The following DDAH1 variants were observed in gnomAD, a reference collection of about 807,000 sequenced individuals.
DDAH1 encodes dimethylarginine dimethylaminohydrolase 1.
A neutral mutation model predicts 28.8 loss-of-function variants in DDAH1; 19 were observed. That is an observed-to-expected ratio of 0.66 (90% CI 0.46 to 0.97). The LOEUF is 0.97. DDAH1 is among the 50% of genes least tolerant of loss of function. DDAH1 has a pLI of 0.00. For synonymous variants in DDAH1, 153 were observed against 154.4 expected (o/e 0.99, Z 0.07); for missense variants, 326 against 375.9 (o/e 0.87, Z 1.10).
intron 1 of DDAH1, among the ~76,000 whole-genome samples, chr1:85,520,972 A>G (rs1657662638): frequency 6.6e-6 from 1 of 152,180 alleles, no homozygotes; most frequent in Non-Finnish European, 1.5e-5. Context: ...AAAATGGGAA[A>G]TGCTGATGGA....
At chr1:85,572,599 T>C (rs1451107984) in intron 1 of DDAH1, among the ~76,000 whole-genome samples, 2 of 152,196 alleles carry the variant, frequency 1.3e-5, no homozygotes, top group Non-Finnish European at 2.9e-5. Flanking sequence ...ATTTAGCCAA[T>C]GGGAGGCAAA....
intron 2 of DDAH1, chr1:85,494,553 T>A (rs770172624): frequency 1.3e-5 from 2 of 152,204 alleles, no homozygotes; most frequent in Non-Finnish European, 2.9e-5. Context: ...AGCTGTCACA[T>A]CCTGCTGCCC....
chr1:85,479,155 T>TTTTC (rs1354478263), intron 2 of DDAH1, among the ~76,000 whole-genome samples: 10 of 140,058 alleles, frequency 7.1e-5, no homozygotes, highest in East Asian at 4.1e-4. Flanking sequence ...TCCCTTCTGT[T>TTTTC]TTTCTTTTTT....
chr1:85,469,985 T>C (rs1655562031), upstream of DDAH1, among the ~76,000 whole-genome samples: 1 of 152,236 alleles, frequency 6.6e-6, no homozygotes. Context: ...TTTCCATTGA[T>C]AATATTGCTG....
chr1:85,382,308 GC>G (rs754746125), intron 1 of DDAH1, among the ~76,000 whole-genome samples: 3 of 152,176 alleles, frequency 2.0e-5, no homozygotes. Flanking sequence ...ATTCTCTTAA[GC>G]CAAAGCCTAA....
At chr1:85,470,030 C>A (rs999915551), upstream of DDAH1, among the ~76,000 whole-genome samples, 1 of 152,092 alleles carries the variant, frequency 6.6e-6, no homozygotes, top group South Asian at 2.1e-4. Flanking sequence ...TTTTAGATAG[C>A]AAGTATCTGA....
chr1:85,578,066 G>C (rs2100580598), exon 1 of DDAH1: 3 of 957,526 alleles, frequency 3.1e-6, no homozygotes, highest in Non-Finnish European at 3.7e-6. Flanking sequence ...AGAAGGCGAC[G>C]GGAGGCTGGG....
intron 1 of DDAH1, among the ~76,000 whole-genome samples, chr1:85,434,423 T>G (rs1299148806): frequency 2.9e-5 from 3 of 104,798 alleles, no homozygotes; most frequent in African/African-American, 7.1e-5. Flanking sequence ...GTGTGTTTTG[T>G]TTTTTTTTTG....
intron 1 of DDAH1, among the ~76,000 whole-genome samples, chr1:85,517,119 A>G (rs1363596230): frequency 6.6e-6 from 1 of 152,188 alleles, no homozygotes; most frequent in African/African-American, 2.4e-5. Flanking sequence ...AATAAGTGAA[A>G]GCATTCTGAA....
chr1:85,500,965 A>C (rs1173019347), intron 1 of DDAH1, among the ~76,000 whole-genome samples: 1 of 151,734 alleles, frequency 6.6e-6, no homozygotes, highest in African/African-American at 2.4e-5. Flanking sequence ...ATTTCTATTT[A>C]CTGGAGTCCA....
At chr1:85,458,256 G>A (rs1390711757) in intron 1 of DDAH1, among the ~76,000 whole-genome samples, 1 of 152,034 alleles carries the variant, frequency 6.6e-6, no homozygotes, top group Non-Finnish European at 1.5e-5. Context: ...TCTTGTCATA[G>A]TTGCTTGGAT....
intron 1 of DDAH1, among the ~76,000 whole-genome samples, chr1:85,548,700 G>T (rs1019172176): frequency 2.0e-5 from 3 of 152,128 alleles, no homozygotes; most frequent in African/African-American, 4.8e-5. Context: ...ATTTAGATTT[G>T]CATTTCCCAA....
intron 4 of DDAH1, among the ~76,000 whole-genome samples, chr1:85,338,319 AAGAC>A (rs1648262930): frequency 2.6e-5 from 4 of 152,238 alleles, no homozygotes; most frequent in Admixed American, 2.6e-4. Context: ...TCTTTCTAAA[AAGAC>A]AGCATTTTAG....
chr1:85,325,727 T>C (rs1647352754), intron 4 of DDAH1, among the ~76,000 whole-genome samples: 1 of 152,118 alleles, frequency 6.6e-6, no homozygotes, highest in Admixed American at 6.6e-5. Context: ...TTTAAAATAT[T>C]GATACCTCAT....
At chr1:85,566,926 G>A (rs2100558816) in intron 1 of DDAH1, among the ~76,000 whole-genome samples, 1 of 152,318 alleles carries the variant, frequency 6.6e-6, no homozygotes, top group African/African-American at 2.4e-5. Flanking sequence ...TGATGGTGTA[G>A]TTCCAGCCTG....
At chr1:85,451,530 A>G (rs1654669418) in intron 1 of DDAH1, among the ~76,000 whole-genome samples, 1 of 152,198 alleles carries the variant, frequency 6.6e-6, no homozygotes. Context: ...ACAGCTAATA[A>G]GCACTGGAAC....
At chr1:85,495,813 G>A (rs1185061797) in intron 2 of DDAH1, 1 of 152,214 alleles carries the variant, frequency 6.6e-6, no homozygotes, top group Admixed American at 6.5e-5. Context: ...AGCTGGCTGG[G>A]AACCAAGGAG....
At chr1:85,360,684 A>G (rs1382157415) in intron 1 of DDAH1, among the ~76,000 whole-genome samples, 1 of 152,234 alleles carries the variant, frequency 6.6e-6, no homozygotes, top group Non-Finnish European at 1.5e-5. Flanking sequence ...GTATGTAACT[A>G]TGCAACATTT....
At chr1:85,332,427 T>C (rs1225853660) in intron 4 of DDAH1, among the ~76,000 whole-genome samples, 2 of 152,176 alleles carry the variant, frequency 1.3e-5, no homozygotes, top group Admixed American at 1.3e-4. Flanking sequence ...TAAAACCCTG[T>C]TCCCACAGTA....
Sources: gnomAD v4.1 joint callset for allele counts (sites outside exome capture counted in the v4.1 genomes callset) on GRCh38, gnomAD v4.1.1 for gene constraint, MANE v1.5 for transcripts, NCBI Gene and HGNC (gene_info 2026-07-23, HGNC 2026-07-21) for gene names.